Variants in TNC observed in about 807,000 individuals in gnomAD.
TNC encodes tenascin C.
In TNC, 109 loss-of-function variants were observed where a neutral mutation model predicts 202.4. That is an observed-to-expected ratio of 0.54 (90% CI 0.46 to 0.63). The LOEUF (loss-of-function observed/expected upper bound fraction) is 0.63. Among genes scored for constraint, TNC ranks in the 30% least tolerant of loss-of-function variants. The probability of loss-of-function intolerance (pLI) is 0.00; values close to 1 mark genes in which losing one functional copy is unlikely to be tolerated. For missense variants in TNC, 2,756 were observed against 2,833.3 expected (o/e 0.97, Z 0.62); for synonymous variants, 1,007 against 1,089.7 (o/e 0.92, Z 1.50).
At position 115,063,094 on chromosome 9, in the gene TNC, A is replaced by G. The variant is rs768532541; in HGVS notation, c.3856T>C (p.Phe1286Leu). ...WTTPDGTYDQ[F>L]TIQVQEADQV... ...TCAGCCTCCTGGACCTGAATAGTAA[A>G]CTGGTCATAGGTTCCATCTGGCGTG... The change falls in exon 13 of 28, where the codon TTT becomes CTT. Residue 1286 changes from phenylalanine to leucine, a missense_variant. This residue lies in a region of TNC where 2,559 missense variants were observed against 2,546.0 expected (regional missense o/e 1.01). Transcript: ENST00000350763. 6.2e-7 allele frequency: 1 copy of G among 1,614,022 alleles called. No individual in the cohort carries two copies. Among genetic ancestry groups the G allele is most frequent in the Non-Finnish European group, 8.5e-7 (1 of 1,179,998 alleles).
rs1414221190 is a variant in TNC at position 115,077,987 on chromosome 9, C to CTGCGGGAGA, written c.2621_2629dup (p.Ile874_Arg876dup). 1 of 1,614,096 alleles carries CTGCGGGAGA rather than the reference C, an allele frequency of 6.2e-7. No homozygotes were observed. The highest frequency in any genetic ancestry group is 1.3e-5 in the African/African-American group (1 of 74,934). ...GGCTGGGTTGCTTGACATGTCACCT[C>CTGCGGGAGA]TGCGGGAGATGAGGGACACCTCGTA... On this transcript the variant is annotated inframe_insertion, in exon 7 of 28. Transcript: ENST00000350763.
At chr9:115,053,807 C>A (rs6478127) in intron 15 of TNC, among the ~76,000 whole-genome samples, 94,107 of 152,042 alleles carry the variant, frequency 0.62, 29,495 homozygotes, top group African/African-American at 0.7. Context: ...GGCTTCCATT[C>A]AAAATTCCCA....
At chr9:115,081,440 C>G (rs1834295371) in intron 6 of TNC, among the ~76,000 whole-genome samples, 1 of 152,096 alleles carries the variant, frequency 6.6e-6, no homozygotes, top group Non-Finnish European at 1.5e-5. Context: ...TGTTCAATAG[C>G]TGTGTGAACA....
intron 10 of TNC, among the ~76,000 whole-genome samples, chr9:115,068,518 A>C (rs917115940): frequency 6.6e-6 from 1 of 152,212 alleles, no homozygotes; most frequent in Non-Finnish European, 1.5e-5. Context: ...ACAACCCCAA[A>C]GGGTATCTTC....
intron 27 of TNC, 121 bp downstream of exon 27, chr9:115,023,852 G>A (rs893995281): frequency 1.8e-5 from 21 of 1,169,326 alleles, no homozygotes; most frequent in Middle Eastern, 2.8e-4. Context: ...AAAACATGTT[G>A]TCATACAAGT....
chr9:115,041,198 A>C (rs1830710572), intron 18 of TNC, 114 bp from the exon 19 acceptor site: 12 of 1,209,014 alleles, frequency 9.9e-6, no homozygotes, highest in Admixed American at 3.0e-5. Context: ...TTCATCAAAC[A>C]CCACTTTCTT....
At chr9:115,102,824 CTT>C (rs976623219) in intron 1 of TNC, among the ~76,000 whole-genome samples, 1 of 152,170 alleles carries the variant, frequency 6.6e-6, no homozygotes, top group African/African-American at 2.4e-5. Context: ...ACACAAAACA[CTT>C]TATCTAGAAC....
intron 1 of TNC, among the ~76,000 whole-genome samples, chr9:115,113,574 C>A (rs1292364108): frequency 6.6e-6 from 1 of 152,134 alleles, no homozygotes; most frequent in Non-Finnish European, 1.5e-5. Flanking sequence ...AATTCTGAAG[C>A]AAAGCTATCT....
intron 10 of TNC, among the ~76,000 whole-genome samples, 174 bp from the exon 11 acceptor site, chr9:115,065,093 A>G (rs146967166): frequency 6.6e-5 from 10 of 152,294 alleles, no homozygotes; most frequent in African/African-American, 1.9e-4. Context: ...CAGCAGGACA[A>G]CAATGTCATA....
intron 27 of TNC, among the ~76,000 whole-genome samples, chr9:115,023,469 G>A (rs982089317): frequency 6.6e-6 from 1 of 152,228 alleles, no homozygotes; most frequent in Non-Finnish European, 1.5e-5. Flanking sequence ...AATGCCAGGG[G>A]CTGGAAGTGG....
rs1828961645 is a variant in TNC at position 115,020,067 on chromosome 9, G to T, written c.*1090C>A. 6.6e-6 allele frequency: 1 copy of T among 151,818 alleles called. No homozygotes were observed. Among genetic ancestry groups the T allele is most frequent in the South Asian group, 2.1e-4 (1 of 4,802 alleles). 9.4% of individuals were successfully genotyped at this position (151,818 alleles called of 1,614,324 possible). A position where few individuals can be genotyped will look rare whatever the true frequency, so the allele number is the denominator to read the frequency against. ...TTTTCTTTTTTTATTTAGAGACAGG[G>T]TCTCCCTCTGTTGCCCAGGCTGGAG... On this transcript the variant is annotated 3_prime_UTR_variant, in exon 28 of 28. Transcript: ENST00000350763.
intron 5 of TNC, among the ~76,000 whole-genome samples, 200 bp from the exon 6 acceptor site, chr9:115,082,128 C>T (rs758187630): frequency 6.6e-6 from 1 of 152,212 alleles, no homozygotes; most frequent in South Asian, 2.1e-4. Flanking sequence ...TTCTCCCATT[C>T]GTAAACTTTT....
At chr9:115,044,785 G>A (rs1537018) in intron 17 of TNC, among the ~76,000 whole-genome samples, 98 of 152,190 alleles carry the variant, frequency 6.4e-4, no homozygotes, top group African/African-American at 2.1e-3. Flanking sequence ...AAGAAACAGG[G>A]TTTTTCCCTC....
Position 115,081,822 on chromosome 9 carries a change from A to C in TNC, c.2354T>G (p.Ile785Arg), listed in dbSNP as rs1217417035. ...PGQEYEISLH[I>R]VKNNTRGPGL... is the part of the protein sequence containing the mutation. ...AGGGCCCCGGGTATTGTTTTTCACTATGTGCAGAGATATCTCATACTCTTG... is the reference window on the plus strand; with the variant it reads ...AGGGCCCCGGGTATTGTTTTTCACTCTGTGCAGAGATATCTCATACTCTTG... Residue 785 changes from isoleucine (I) to arginine (R), a missense_variant, in exon 6 of 28, where the codon ATA becomes AGA. This residue lies in a region of TNC where 2,559 missense variants were observed against 2,546.0 expected (regional missense o/e 1.01). Coordinates refer to ENST00000350763, the MANE Select transcript of TNC (RefSeq NM_002160.4). 2 of 1,612,258 alleles carry C rather than the reference A, an allele frequency of 1.2e-6. No homozygotes were observed. Among genetic ancestry groups the C allele is most frequent in the Non-Finnish European group, 1.7e-6 (2 of 1,179,574 alleles).
At chr9:115,099,321 G>T (rs1165033869) in intron 1 of TNC, among the ~76,000 whole-genome samples, 2 of 152,154 alleles carry the variant, frequency 1.3e-5, no homozygotes, top group African/African-American at 2.4e-5. Flanking sequence ...TCACAGTCAG[G>T]TATAGAAAGC....
intron 17 of TNC, among the ~76,000 whole-genome samples, 198 bp downstream of exon 17, chr9:115,046,212 T>A (rs1427387375): frequency 6.6e-6 from 1 of 152,214 alleles, no homozygotes; most frequent in Non-Finnish European, 1.5e-5. Flanking sequence ...CTCACAACCC[T>A]ATTAAGTAAA....
intron 1 of TNC, among the ~76,000 whole-genome samples, chr9:115,109,348 C>T (rs1434605473): frequency 6.6e-6 from 1 of 152,188 alleles, no homozygotes; most frequent in African/African-American, 2.4e-5. Flanking sequence ...TACTACTTTG[C>T]TTTTAATATG....
At chr9:115,035,893 C>A in intron 21 of TNC, 1 of 575,280 alleles carries the variant, frequency 1.7e-6, no homozygotes, top group Non-Finnish European at 2.9e-6. Flanking sequence ...GTGGGGAGAC[C>A]AAGGTCATTT....
chr9:115,036,025 G>T (rs571901998), intron 21 of TNC, 73 bp downstream of exon 21: 8 of 1,570,858 alleles, frequency 5.1e-6, no homozygotes, highest in Middle Eastern at 1.8e-4. Context: ...CTGGCTAGCG[G>T]TTCCTGTTTA....
Sources: allele counts gnomAD v4.1 joint callset (sites outside exome capture counted in the v4.1 genomes callset), GRCh38; gene constraint gnomAD v4.1.1; regional missense constraint gnomAD v4.1.1; transcripts MANE v1.5; gene names NCBI Gene and HGNC (gene_info 2026-07-23, HGNC 2026-07-21).